PCID2: variants seen among roughly 807,000 people sequenced by gnomAD.
The protein encoded by PCID2 is PCI domain-containing protein 2.
Under a neutral mutation model 61.3 loss-of-function variants are expected in PCID2, and 41 were observed. The observed-to-expected ratio is 0.67, with a 90% CI of 0.52 to 0.87. The LOEUF (loss-of-function observed/expected upper bound fraction) is 0.87, where lower values mean the gene tolerates loss of function less well. PCID2 is among the 40% of genes least tolerant of loss of function. The pLI, the probability that PCID2 is intolerant of heterozygous loss-of-function variation, is 0.00. For synonymous variants in PCID2, 187 were observed against 177.8 expected, an observed-to-expected ratio of 1.05 and a Z score of -0.41; for missense variants, 392 against 493.4, an observed-to-expected ratio of 0.79 and a Z score of 1.95.
intron 1 of PCID2, among the ~76,000 whole-genome samples, chr13:113,206,241 T>G (rs1566990853): frequency 6.6e-6 from 1 of 152,130 alleles, no homozygotes; most frequent in Non-Finnish European, 1.5e-5. Flanking sequence ...AGATGGAGAG[T>G]CACAGAAGTT....
At chr13:113,165,257 C>G in the PCID2 span, 2 of 818,796 alleles carry the variant, frequency 2.4e-6, no homozygotes, top group African/African-American at 3.4e-5. Context: ...ACTGACCAAC[C>G]TCTATTCACA....
Position 113,179,795 on chromosome 13 carries a change from G to T in PCID2, c.986+122C>A. On this transcript the variant is annotated intron_variant, in intron 12 of 13. Transcript: ENST00000337344. This position sits in a 1 kb window ranked among gnomAD's most constrained non-coding sequence, Gnocchi z 4.3. The stretch of plus-strand genomic sequence containing the variant: ...GAGGCTTCATTTTATCCCACACAAT[G>T]GAAGGAAGATAACGACCCCACCCAC... The T allele has an allele frequency of 1.0e-6, 1 of 956,554 alleles. No individual in the cohort carries two copies. The highest frequency in any genetic ancestry group is 1.5e-6 in the Non-Finnish European group (1 of 645,318). The allele number at this position is 956,554 out of a possible 1,614,324, so 59.3% of individuals were successfully genotyped here.
intron 1 of PCID2, among the ~76,000 whole-genome samples, chr13:113,207,006 A>C (rs1234342408): frequency 6.6e-6 from 1 of 152,228 alleles, no homozygotes; most frequent in Non-Finnish European, 1.5e-5. Flanking sequence ...AAGCTCGCTT[A>C]TCAGTCTCAC....
intron 1 of PCID2, among the ~76,000 whole-genome samples, chr13:113,205,256 T>C (rs2039724646): frequency 6.6e-6 from 1 of 152,204 alleles, no homozygotes; most frequent in African/African-American, 2.4e-5. Flanking sequence ...AGAGGTGTTC[T>C]TGGCAAAAGG....
chr13:113,185,696 A>G (rs2038048819), intron 7 of PCID2, 136 bp from the exon 8 acceptor site: 3 of 520,896 alleles, frequency 5.8e-6, no homozygotes, highest in Non-Finnish European at 1.0e-5. Flanking sequence ...CAACTTATTC[A>G]TATCAAGTCA....
chr13:113,196,248 T>C lies in PCID2; in HGVS notation c.267-26A>G, dbSNP rs1417743686. 1.9e-6 allele frequency: 3 copies of C among 1,554,652 alleles called. No homozygotes were observed. In the African/African-American group the frequency reaches 4.0e-5, roughly 21 times the overall value. ...GTACTGTATTAAGGAAGATATGGCA[T>C]ACAAAGTTCAAATAATGCTACGTAC... On this transcript the variant is annotated intron_variant, in intron 4 of 13. Coordinates refer to ENST00000337344, the MANE Select transcript of PCID2 (RefSeq NM_001127202.4).
chr13:113,192,872 C>A (rs1426820818), intron 6 of PCID2, among the ~76,000 whole-genome samples: 1 of 152,112 alleles, frequency 6.6e-6, no homozygotes, highest in Non-Finnish European at 1.5e-5. Flanking sequence ...GAAGAGAGGC[C>A]TTTGGAAGGT....
intron 2 of PCID2, among the ~76,000 whole-genome samples, chr13:113,199,921 TGATAAA>T (rs1251003148): frequency 6.6e-6 from 1 of 152,128 alleles, no homozygotes; most frequent in Non-Finnish European, 1.5e-5. Flanking sequence ...CACTCCAATA[TGATAAA>T]GGGTGTCAAT....
chr13:113,203,028 A>G (rs1167790529), intron 1 of PCID2, among the ~76,000 whole-genome samples: 1 of 152,254 alleles, frequency 6.6e-6, no homozygotes, highest in Non-Finnish European at 1.5e-5. Flanking sequence ...ATCACTGAGT[A>G]GAATGTTGTT....
At chr13:113,167,250 G>C in the PCID2 span, among the ~76,000 whole-genome samples, 2 of 152,176 alleles carry the variant, frequency 1.3e-5, no homozygotes, top group African/African-American at 2.4e-5. Context: ...TTAAAGTGAG[G>C]ATCTCACCCC....
intron 7 of PCID2, among the ~76,000 whole-genome samples, chr13:113,188,979 G>A (rs1171550852): frequency 6.6e-6 from 1 of 152,218 alleles, no homozygotes; most frequent in African/African-American, 2.4e-5. Flanking sequence ...CAAGCCTCAT[G>A]TTAAAACCTG....
At chr13:113,208,206 C>T in intron 1 of PCID2, 2 of 1,543,476 alleles carry the variant, frequency 1.3e-6, no homozygotes, top group Non-Finnish European at 1.7e-6. Context: ...CATCCCGCAT[C>T]CTGCTGGGAA....
chr13:113,180,682 G>A (rs1365343554), intron 10 of PCID2, among the ~76,000 whole-genome samples: 1 of 152,196 alleles, frequency 6.6e-6, no homozygotes, highest in African/African-American at 2.4e-5. Context: ...AGCCACCTGT[G>A]TGCAATGCTT....
At chr13:113,196,142 T>C (rs377393341) in intron 5 of PCID2, 39 bp downstream of exon 5, 444 of 1,499,298 alleles carry the variant, frequency 3.0e-4, no homozygotes, top group Middle Eastern at 2.9e-3. Context: ...GCTAAAAAAA[T>C]TGCCATTTGC....
chr13:113,175,526 C>T (rs1283734335), downstream of PCID2, among the ~76,000 whole-genome samples: 7 of 152,172 alleles, frequency 4.6e-5, no homozygotes, highest in South Asian at 2.1e-4. Flanking sequence ...ATCAGATTTC[C>T]GTACCCAACA....
intron 1 of PCID2, chr13:113,208,228 C>T: frequency 2.7e-6 from 4 of 1,506,828 alleles, no homozygotes; most frequent in Non-Finnish European, 3.5e-6. Flanking sequence ...CAGCGTCCAT[C>T]CGACACAGCA....
chr13:113,171,884 G>C, the PCID2 span: 1 of 1,613,682 alleles, frequency 6.2e-7, no homozygotes, highest in Non-Finnish European at 8.5e-7. The surrounding 1 kb of genome is among the most constrained non-coding windows in gnomAD (Gnocchi z 5.1). Flanking sequence ...GGAGGAGTGC[G>C]GGCAGGTCCT....
In PCID2 at chr13:113,197,201, G is replaced by A. The variant is rs776255380; in HGVS notation, c.243C>T (p.Tyr81=). 5.0e-6 allele frequency: 8 copies of A among 1,614,110 alleles called. No homozygotes were observed. In the South Asian group the frequency reaches 8.8e-5, roughly 18 times the overall value. The change falls in exon 4 of 14, where the codon TAC becomes TAT. Residue 81 remains tyrosine (Y), a synonymous_variant. Transcript: ENST00000337344. The part of the protein sequence containing the change: ...AVGNHDFIEA[Y]KCQTVIVQSF... ...ATTGGACTATCACGGTCTGGCACTT[G>A]TATGCCTCTATGAAGTCATGATTCC...
chr13:113,167,483 A>T, the PCID2 span, among the ~76,000 whole-genome samples: 1 of 152,172 alleles, frequency 6.6e-6, no homozygotes, highest in South Asian at 2.1e-4. Flanking sequence ...CACATGCTTT[A>T]TTTCATTTAA....
Sources: allele counts gnomAD v4.1 joint callset (sites outside exome capture counted in the v4.1 genomes callset), GRCh38; gene constraint gnomAD v4.1.1; non-coding constraint Gnocchi (gnomAD v3.1); transcripts MANE v1.5; gene names NCBI Gene and HGNC (gene_info 2026-07-23, HGNC 2026-07-21).